ST8SIA6: variants seen among roughly 807,000 people sequenced by gnomAD.
ST8SIA6 encodes the protein ST8 alpha-N-acetyl-neuraminide alpha-2,8-sialyltransferase 6, also known as alpha-2,8-sialyltransferase 8F.
ST8SIA6 carries 39 observed loss-of-function variants against 33.6 expected under a neutral mutation model. The ratio of observed to expected loss-of-function variants is 1.16; its 90% CI spans 0.90 to 1.52. The LOEUF is 1.52. Among genes scored for constraint, ST8SIA6 ranks in the 40% most tolerant of loss-of-function variants. ST8SIA6 has a pLI of 0.00. For missense variants in ST8SIA6, 441 were observed against 443.8 expected, an observed-to-expected ratio of 0.99 and a Z score of 0.06; for synonymous variants, 172 against 167.2, an observed-to-expected ratio of 1.03 and a Z score of -0.22.
Position 17,453,677 on chromosome 10 carries a change from ACTT to A in ST8SIA6, c.102-23_102-21del. 7.7e-7 allele frequency: 1 copy of A among 1,294,734 alleles called. No homozygotes were observed. The highest frequency in any genetic ancestry group is 3.4e-5 in the Admixed American group (1 of 29,608). 80.2% of individuals were successfully genotyped at this position (1,294,734 alleles called of 1,614,324 possible). On this transcript the variant is annotated intron_variant, in intron 1 of 7. Transcript: ENST00000377602. ...AGAATCCTGCACAGCCGGGGAGAAA[ACTT>A]AAGTTGCTACACCCCGCCGGGAGCT...
Position 17,321,207 on chromosome 10 carries a change from A to C in ST8SIA6, c.868T>G (p.Ser290Ala). 6.2e-7 allele frequency: 1 copy of C among 1,613,848 alleles called. No individual in the cohort carries two copies. Among genetic ancestry groups the C allele is most frequent in the Non-Finnish European group, 8.5e-7 (1 of 1,179,970 alleles). Residue 290 changes from serine (S) to alanine (A), a missense_variant, in exon 8 of 8, where the codon TCT becomes GCT. Physicochemically the swap from Ser to Ala is moderately conservative, Grantham distance 99 (BLOSUM62 1). Coordinates refer to ENST00000377602, the MANE Select transcript of ST8SIA6 (RefSeq NM_001004470.3). The part of the protein sequence containing the change: ...SFKVYYTLEE[S>A]KARQKVLFFH... ...AATAGAACCTTTTGTCTTGCTTTAG[A>C]CTCTTCGAGCGTGTAGTATACTTTG...
In ST8SIA6 at chr10:17,445,524, C is replaced by T. The variant is rs532612501; in HGVS notation, c.200+8035G>A. ...AGAGAGGTTTTGATTCTCCTCCCAC[C>T]GTCTGCCTTTCTTTTCCAAAGAATA... On this transcript the variant is annotated intron_variant, in intron 2 of 7. Transcript: ENST00000377602. 1.3e-4 allele frequency among the ~76,000 whole-genome samples: 20 copies of T among 152,318 alleles called. No individual in the cohort carries two copies. In the East Asian group the frequency reaches 3.1e-3, roughly 24 times the overall value.
chr10:17,341,900 C>CAAAAAAAAAAAAAAAAAA (rs71393004), intron 4 of ST8SIA6, among the ~76,000 whole-genome samples: 1 of 73,164 alleles, frequency 1.4e-5, no homozygotes, highest in African/African-American at 5.7e-5. Flanking sequence ...GGCTCCATCT[C>CAAAAAAAAAAAAAAAAAA]AAAAAAAAAA....
At chr10:17,406,250 T>G (rs117438315) in intron 2 of ST8SIA6, among the ~76,000 whole-genome samples, 4,376 of 152,276 alleles carry the variant, frequency 0.029, 66 homozygotes, top group South Asian at 0.056. Context: ...ATTTTGCACC[T>G]AAAGCCAGGA....
chr10:17,316,970 T>C lies in ST8SIA6; in HGVS notation c.*3908A>G, dbSNP rs553388680. Among the ~76,000 whole-genome samples, 9 of 152,308 alleles carry C rather than the reference T, an allele frequency of 5.9e-5. No homozygotes were observed. Among genetic ancestry groups the C allele is most frequent in the Admixed American group, 6.5e-5 (1 of 15,288 alleles). On this transcript the variant is annotated 3_prime_UTR_variant, in exon 8 of 8. Coordinates refer to ENST00000377602, the MANE Select transcript of ST8SIA6 (RefSeq NM_001004470.3). Reference sequence around the variant, plus strand: ...TTTTAATACAGTCATAGCCATCCTTTCTTAACCCAACTATTTAAAAAGATA... The same window carrying C: ...TTTTAATACAGTCATAGCCATCCTTCCTTAACCCAACTATTTAAAAAGATA...
At chr10:17,352,842 AGAT>A (rs1287827833) in intron 4 of ST8SIA6, among the ~76,000 whole-genome samples, 2 of 152,168 alleles carry the variant, frequency 1.3e-5, no homozygotes, top group African/African-American at 4.8e-5. Flanking sequence ...GACAAATAGA[AGAT>A]GATATGACAG....
chr10:17,342,795 A>G (rs893407974), intron 4 of ST8SIA6, among the ~76,000 whole-genome samples: 3 of 152,084 alleles, frequency 2.0e-5, no homozygotes, highest in African/African-American at 7.2e-5. Flanking sequence ...CTAAAAATAC[A>G]AAAATTAGCC....
At chr10:17,352,211 A>C (rs371371932) in intron 4 of ST8SIA6, among the ~76,000 whole-genome samples, 3 of 152,334 alleles carry the variant, frequency 2.0e-5, no homozygotes, top group African/African-American at 7.2e-5. Flanking sequence ...TAATAAGTAA[A>C]ACTCTTCAAA....
intron 3 of ST8SIA6, among the ~76,000 whole-genome samples, chr10:17,381,928 A>C (rs1564433975): frequency 6.6e-6 from 1 of 152,216 alleles, no homozygotes; most frequent in African/African-American, 2.4e-5. Flanking sequence ...GCTAAACTAT[A>C]AACTAAGTTT....
chr10:17,338,631 C>T (rs1052346488), intron 4 of ST8SIA6, among the ~76,000 whole-genome samples: 2 of 152,190 alleles, frequency 1.3e-5, no homozygotes, highest in African/African-American at 4.8e-5. Flanking sequence ...CATATAAATG[C>T]TTCAAAGCCT....
At chr10:17,441,188 C>G (rs11254600) in intron 2 of ST8SIA6, among the ~76,000 whole-genome samples, 46,585 of 151,740 alleles carry the variant, frequency 0.31, 9,271 homozygotes, top group African/African-American at 0.56. Flanking sequence ...CTGATCCAAG[C>G]TTCTAAAATT....
At chr10:17,428,381 C>G (rs934918312) in intron 2 of ST8SIA6, among the ~76,000 whole-genome samples, 5 of 152,038 alleles carry the variant, frequency 3.3e-5, no homozygotes, top group African/African-American at 9.7e-5. Context: ...GTAGCAAATG[C>G]TTATTTTTAT....
chr10:17,371,866 A>G (rs1849747907), intron 3 of ST8SIA6, among the ~76,000 whole-genome samples: 1 of 151,606 alleles, frequency 6.6e-6, no homozygotes, highest in Non-Finnish European at 1.5e-5. Flanking sequence ...TAAATGTACA[A>G]CTCTCTTAAT....
At chr10:17,340,761 A>C (rs994171338) in intron 4 of ST8SIA6, among the ~76,000 whole-genome samples, 1 of 152,220 alleles carries the variant, frequency 6.6e-6, no homozygotes, top group African/African-American at 2.4e-5. Flanking sequence ...TACAACCCAA[A>C]ATATTTTTCT....
intron 2 of ST8SIA6, among the ~76,000 whole-genome samples, chr10:17,412,509 A>G (rs1173029266): frequency 2.0e-5 from 3 of 152,216 alleles, no homozygotes; most frequent in African/African-American, 7.2e-5. Flanking sequence ...AAGGCCATGC[A>G]CTGGAATTAA....
intron 2 of ST8SIA6, chr10:17,413,610 A>G (rs1399591107): frequency 1.3e-5 from 2 of 152,212 alleles, no homozygotes; most frequent in Non-Finnish European, 2.9e-5. Context: ...CTTACACAGA[A>G]ATACTGACCA....
chr10:17,443,063 T>C (rs1399202363), intron 2 of ST8SIA6, among the ~76,000 whole-genome samples: 1 of 152,222 alleles, frequency 6.6e-6, no homozygotes, highest in Admixed American at 6.5e-5. Flanking sequence ...ATACCCAAAG[T>C]GAACATGGTG....
intron 2 of ST8SIA6, among the ~76,000 whole-genome samples, chr10:17,400,380 A>C (rs1850991067): frequency 6.6e-6 from 1 of 152,102 alleles, no homozygotes; most frequent in Non-Finnish European, 1.5e-5. Flanking sequence ...AAAAATACAA[A>C]ACTTAGCCAG....
Position 17,318,086 on chromosome 10 carries a change from T to C in ST8SIA6, c.*2792A>G, listed in dbSNP as rs1346842799. ...GATTTGGCTGAAAATTATATTGGAA[T>C]CTTGTTATTCTGTTTCATTGCTCAA... On this transcript the variant is annotated 3_prime_UTR_variant, in exon 8 of 8. Transcript: ENST00000377602. 6.6e-6 allele frequency among the ~76,000 whole-genome samples: 1 copy of C among 152,226 alleles called. No homozygotes were observed. The highest frequency in any genetic ancestry group is 1.5e-5 in the Non-Finnish European group (1 of 68,038).
Sources: gnomAD v4.1 joint callset for allele counts (sites outside exome capture counted in the v4.1 genomes callset) on GRCh38, gnomAD v4.1.1 for gene constraint, MANE v1.5 for transcripts, NCBI Gene and HGNC (gene_info 2026-07-23, HGNC 2026-07-21) for gene names.